Variants in PDIA5 observed in about 807,000 individuals in gnomAD.
PDIA5 encodes protein disulfide isomerase family A member 5, also known as protein disulfide-isomerase A5.
A neutral mutation model predicts 77.6 loss-of-function variants in PDIA5; 58 were observed. The ratio of observed to expected loss-of-function variants is 0.75; its 90% confidence interval spans 0.61 to 0.93. The LOEUF is 0.93. PDIA5 is among the 40% of genes least tolerant of loss of function. The probability of loss-of-function intolerance (pLI) is 0.00; values close to 1 mark genes in which losing one functional copy is unlikely to be tolerated. For missense variants in PDIA5, 630 were observed against 647.7 expected (o/e 0.97, Z 0.30); for synonymous variants, 250 against 252.1 (o/e 0.99, Z 0.08).
chr3:123,136,052 T>C (rs1530455), intron 11 of PDIA5, among the ~76,000 whole-genome samples: 78,111 of 151,496 alleles, frequency 0.52, 21,429 homozygotes, highest in East Asian at 0.64. Context: ...CACTTCAGCC[T>C]CCTGAGTAGC....
chr3:123,077,482 C>T (rs1933883904), intron 1 of PDIA5, among the ~76,000 whole-genome samples: 2 of 151,936 alleles, frequency 1.3e-5, no homozygotes, highest in African/African-American at 4.8e-5. Flanking sequence ...CACAGTTAGC[C>T]CCCTTGGCTG....
In PDIA5 at chr3:123,161,389, G is replaced by A. The variant is rs1433476111; in HGVS notation, c.1413G>A (p.Lys471=). The A allele has an allele frequency of 6.2e-7, 1 of 1,614,180 alleles. No homozygotes were observed. The highest frequency in any genetic ancestry group is 8.5e-7 in the Non-Finnish European group (1 of 1,180,010). Residue 471 remains lysine (K), a synonymous_variant, in exon 16 of 17, where the codon AAG becomes AAA. Coordinates refer to ENST00000316218, the MANE Select transcript of PDIA5 (RefSeq NM_006810.4). ...ACCTGTGCCAGCAGGAGGCGGTCAAGGGCTACCCCACTTTCCACTACTACC... is the reference window on the plus strand; with the variant it reads ...ACCTGTGCCAGCAGGAGGCGGTCAAAGGCTACCCCACTTTCCACTACTACC... ...NQDLCQQEAV[K]GYPTFHYYHY...
At chr3:123,133,420 C>T (rs2107968721) in intron 11 of PDIA5, among the ~76,000 whole-genome samples, 1 of 152,288 alleles carries the variant, frequency 6.6e-6, no homozygotes, top group African/African-American at 2.4e-5. Context: ...CATAGCAGAC[C>T]ACAGCTTCTA....
intron 3 of PDIA5, among the ~76,000 whole-genome samples, chr3:123,093,662 T>C (rs955806889): frequency 2.0e-5 from 3 of 152,200 alleles, no homozygotes; most frequent in African/African-American, 7.2e-5. Context: ...GATGGATAAC[T>C]GCATCCTCAA....
At chr3:123,117,340 A>C (rs905032914) in intron 8 of PDIA5, among the ~76,000 whole-genome samples, 3 of 132,764 alleles carry the variant, frequency 2.3e-5, no homozygotes, top group African/African-American at 8.4e-5. Flanking sequence ...CCTGACCTTG[A>C]TAAACTGCCT....
intron 1 of PDIA5, among the ~76,000 whole-genome samples, chr3:123,071,245 A>G (rs1325864326): frequency 1.3e-5 from 2 of 152,158 alleles, no homozygotes; most frequent in Non-Finnish European, 2.9e-5. Flanking sequence ...GGACTCACTC[A>G]AGGCCACCCA....
chr3:123,077,538 C>T (rs1271084180), intron 1 of PDIA5, among the ~76,000 whole-genome samples: 5 of 144,154 alleles, frequency 3.5e-5, no homozygotes, highest in Non-Finnish European at 7.6e-5. Context: ...TCTTCTCCCA[C>T]CTCACACACA....
At chr3:123,078,331 C>G (rs937243293) in intron 1 of PDIA5, among the ~76,000 whole-genome samples, 2 of 152,190 alleles carry the variant, frequency 1.3e-5, no homozygotes, top group East Asian at 3.9e-4. Flanking sequence ...AGCGCTGGGC[C>G]GGGAGGAATC....
intron 15 of PDIA5, 61 bp downstream of exon 15, chr3:123,155,102 T>C (rs1326752503): frequency 1.2e-5 from 14 of 1,183,166 alleles, no homozygotes; most frequent in Non-Finnish European, 1.8e-5. Flanking sequence ...CCTTCCTTCT[T>C]GTCATTCAGG....
At chr3:123,112,086 A>G (rs145549242) in intron 7 of PDIA5, among the ~76,000 whole-genome samples, 3 of 152,308 alleles carry the variant, frequency 2.0e-5, no homozygotes, top group East Asian at 3.9e-4. Context: ...CAAAGCCTCA[A>G]ATATTCACTG....
Position 123,152,131 on chromosome 3 carries a change from TCCTTCCTGCCTG to T in PDIA5, c.1273+1775_1273+1786del, listed in dbSNP as rs1170434523. ...TTCCTTCCTTCCTTCCTTCCTGCCTTCCTTCCTGCCTGCCTTCCTTTCTGCCTTCCAGCCTGC... is the reference window on the plus strand; with the variant it reads ...TTCCTTCCTTCCTTCCTTCCTGCCTTCCTTCCTTTCTGCCTTCCAGCCTGC... On this transcript the variant is annotated intron_variant, in intron 14 of 16. Coordinates refer to ENST00000316218, the MANE Select transcript of PDIA5 (RefSeq NM_006810.4). Among the ~76,000 whole-genome samples, 156 of 140,682 alleles carry T rather than the reference TCCTTCCTGCCTG, an allele frequency of 1.1e-3. 1 individual carries two copies. Among genetic ancestry groups the T allele is most frequent in the African/African-American group, 3.9e-3 (144 of 36,860 alleles). The allele number at this position is 140,682 out of a possible 152,430, so 92.3% of individuals were successfully genotyped here.
chr3:123,106,833 A>G lies in PDIA5; in HGVS notation c.472A>G (p.Ser158Gly). The change falls in exon 6 of 17, where the codon AGT becomes GGT. Residue 158 changes from serine to glycine, a missense_variant. Physicochemically the swap from Ser to Gly is moderately conservative, Grantham distance 56. Transcript: ENST00000316218. ...PGAKDVVHLDSEKDFRRLLKK... is the reference protein window; with the variant it reads ...PGAKDVVHLDGEKDFRRLLKK... ...AGCCAAAGATGTTGTCCACCTTGAC[A>G]GTGAAAAGGTAATGTATTCCCCGTC... is the stretch of plus-strand genomic sequence containing the variant. 3 of 1,607,558 alleles carry G rather than the reference A, an allele frequency of 1.9e-6. No individual in the cohort carries two copies. In the Admixed American group the frequency reaches 5.0e-5, roughly 27 times the overall value.
intron 11 of PDIA5, among the ~76,000 whole-genome samples, chr3:123,132,883 C>A (rs1485734993): frequency 6.6e-6 from 1 of 152,194 alleles, no homozygotes; most frequent in Non-Finnish European, 1.5e-5. Flanking sequence ...GGTCACCAGT[C>A]CCCTGGGCAT....
At chr3:123,152,825 G>A (rs1052084710) in intron 14 of PDIA5, among the ~76,000 whole-genome samples, 1 of 152,162 alleles carries the variant, frequency 6.6e-6, no homozygotes, top group African/African-American at 2.4e-5. Flanking sequence ...ACGCTGAATG[G>A]TCTGGTCATG....
intron 5 of PDIA5, among the ~76,000 whole-genome samples, chr3:123,104,057 G>T (rs1252216489): frequency 6.6e-6 from 1 of 152,196 alleles, no homozygotes; most frequent in Non-Finnish European, 1.5e-5. Flanking sequence ...GAAGCAAGGA[G>T]CCCAGGTGGC....
chr3:123,134,003 CCTTTT>C (rs60274109), intron 11 of PDIA5, among the ~76,000 whole-genome samples: 27 of 148,330 alleles, frequency 1.8e-4, no homozygotes, highest in Non-Finnish European at 3.1e-4. Context: ...CTTTTCTTTT[CCTTTT>C]CTTTTCTTTT....
At chr3:123,111,880 T>A (rs71330981) in intron 7 of PDIA5, among the ~76,000 whole-genome samples, 21 of 152,332 alleles carry the variant, frequency 1.4e-4, no homozygotes, top group Non-Finnish European at 2.8e-4. Flanking sequence ...TCTGTTTTTT[T>A]AAAAAATTAT....
At chr3:123,151,734 T>G (rs375463821) in intron 14 of PDIA5, among the ~76,000 whole-genome samples, 21 of 111,514 alleles carry the variant, frequency 1.9e-4, no homozygotes, top group Admixed American at 9.9e-4. Context: ...ACTCCTTCCT[T>G]CCTGCCTGCC....
chr3:123,088,067 T>C (rs1266172956), intron 1 of PDIA5, among the ~76,000 whole-genome samples: 1 of 152,154 alleles, frequency 6.6e-6, no homozygotes, highest in Admixed American at 6.5e-5. Context: ...CCCCCTGTCT[T>C]TTCTGAGGGC....
Sources: gnomAD v4.1 joint callset for allele counts (sites outside exome capture counted in the v4.1 genomes callset) on GRCh38, gnomAD v4.1.1 for gene constraint, MANE v1.5 for transcripts, NCBI Gene and HGNC (gene_info 2026-07-23, HGNC 2026-07-21) for gene names.